The following AFG1L variants were observed in gnomAD, a reference collection of about 807,000 sequenced individuals.
The protein encoded by AFG1L is AFG1 like ATPase.
AFG1L carries 53 observed loss-of-function variants against 62.2 expected under a neutral mutation model. The observed-to-expected ratio is 0.85, with a 90% CI of 0.68 to 1.07. The LOEUF is 1.07. Among genes scored for constraint, AFG1L ranks in the 50% least tolerant of loss-of-function variants. AFG1L has a pLI of 0.00. For synonymous variants in AFG1L, 228 were observed against 210.3 expected, an observed-to-expected ratio of 1.08 and a Z score of -0.73; for missense variants, 555 against 590.5, an observed-to-expected ratio of 0.94 and a Z score of 0.62.
intron 11 of AFG1L, among the ~76,000 whole-genome samples, chr6:108,516,166 C>G (rs921368888): frequency 6.6e-6 from 1 of 152,214 alleles, no homozygotes; most frequent in African/African-American, 2.4e-5. Flanking sequence ...CCAGCATCAT[C>G]CTGATACCAA....
Position 108,376,867 on chromosome 6 carries a change from C to CT in AFG1L, c.748+10536dup, listed in dbSNP as rs576580635. On this transcript the variant is annotated intron_variant, in intron 6 of 12. Transcript: ENST00000368977. ...TCCCCTACTATTATTGTGTGGCTCTCTAAGTCTTTTTGTAAGTTTATAGGT... is the reference window on the plus strand; with the variant it reads ...TCCCCTACTATTATTGTGTGGCTCTCTTAAGTCTTTTTGTAAGTTTATAGGT... Among the ~76,000 whole-genome samples, 445 of 152,200 alleles carry CT rather than the reference C, an allele frequency of 2.9e-3. 1 individual carries two copies. The highest frequency in any genetic ancestry group is 4.4e-3 in the Non-Finnish European group (301 of 68,004).
At chr6:108,327,095 AAAAC>A (rs773678277) in intron 2 of AFG1L, among the ~76,000 whole-genome samples, 10 of 152,356 alleles carry the variant, frequency 6.6e-5, no homozygotes, top group East Asian at 1.9e-4. Context: ...ATACAAATAA[AAAAC>A]AAACAAACAA....
chr6:108,504,949 T>C (rs1774340630), intron 10 of AFG1L, among the ~76,000 whole-genome samples: 1 of 152,130 alleles, frequency 6.6e-6, no homozygotes, highest in Non-Finnish European at 1.5e-5. Flanking sequence ...AGGTCCTGAG[T>C]GGATTTCATC....
intron 1 of AFG1L, among the ~76,000 whole-genome samples, chr6:108,296,923 T>C (rs1776786926): frequency 6.6e-6 from 1 of 152,192 alleles, no homozygotes; most frequent in South Asian, 2.1e-4. Flanking sequence ...TGAAGTTATA[T>C]GGCTAGTAAG....
intron 8 of AFG1L, among the ~76,000 whole-genome samples, chr6:108,463,055 G>A (rs1341504766): frequency 6.6e-6 from 1 of 152,106 alleles, no homozygotes; most frequent in Non-Finnish European, 1.5e-5. Flanking sequence ...GTGGGAGGCT[G>A]AGACTGGGTG....
At chr6:108,463,089 A>G (rs1180943766) in intron 8 of AFG1L, among the ~76,000 whole-genome samples, 1 of 151,968 alleles carries the variant, frequency 6.6e-6, no homozygotes, top group East Asian at 1.9e-4. Context: ...CAGGAGTTCA[A>G]GATAGCTTGG....
intron 10 of AFG1L, among the ~76,000 whole-genome samples, chr6:108,508,867 G>A (rs1376672872): frequency 6.6e-6 from 1 of 152,190 alleles, no homozygotes; most frequent in Admixed American, 6.5e-5. Context: ...CTTCCCAAAT[G>A]AGATAGACAT....
chr6:108,498,281 C>G (rs1266664437), intron 10 of AFG1L, among the ~76,000 whole-genome samples: 1 of 152,134 alleles, frequency 6.6e-6, no homozygotes, highest in African/African-American at 2.4e-5. Context: ...AGTTGCAATC[C>G]AAAGGATATG....
chr6:108,295,298 C>T, intron 1 of AFG1L, 80 bp downstream of exon 1: 1 of 1,480,608 alleles, frequency 6.8e-7, no homozygotes, highest in Non-Finnish European at 9.0e-7. Context: ...CCTGTCCGAT[C>T]TACCCCAGGT....
intron 11 of AFG1L, among the ~76,000 whole-genome samples, chr6:108,515,185 C>T (rs1166913496): frequency 1.3e-5 from 2 of 152,182 alleles, no homozygotes; most frequent in Non-Finnish European, 2.9e-5. Flanking sequence ...CCCAGATCAA[C>T]AGAATATACA....
chr6:108,495,281 T>A (rs771143717), intron 10 of AFG1L, among the ~76,000 whole-genome samples: 6 of 152,242 alleles, frequency 3.9e-5, no homozygotes, highest in Non-Finnish European at 5.9e-5. Flanking sequence ...CACGCATGTT[T>A]GTTTAATGAA....
At chr6:108,522,253 T>C (rs1489683931) in intron 12 of AFG1L, 44 bp from the exon 13 acceptor site, 1 of 1,593,350 alleles carries the variant, frequency 6.3e-7, no homozygotes, top group Non-Finnish European at 8.6e-7. Context: ...CTGTAAATTT[T>C]CATTTGTGAT....
chr6:108,327,747 T>C (rs541167202), intron 2 of AFG1L, among the ~76,000 whole-genome samples: 311 of 152,332 alleles, frequency 2.0e-3, no homozygotes, highest in African/African-American at 7.2e-3. Context: ...TTTTCTCTCA[T>C]GTCTGCTTCC....
chr6:108,296,699 T>C (rs1582544638), intron 1 of AFG1L, among the ~76,000 whole-genome samples: 1 of 152,336 alleles, frequency 6.6e-6, no homozygotes, highest in South Asian at 2.1e-4. Flanking sequence ...TTCATATGAA[T>C]AGAACTGCCT....
chr6:108,309,767 A>C (rs1237316120), intron 1 of AFG1L, among the ~76,000 whole-genome samples: 2 of 152,090 alleles, frequency 1.3e-5, no homozygotes, highest in African/African-American at 4.8e-5. Context: ...AAATACTTTA[A>C]GACCTAATAG....
chr6:108,439,576 G>A (rs766036085), intron 7 of AFG1L, among the ~76,000 whole-genome samples: 1 of 152,166 alleles, frequency 6.6e-6, no homozygotes, highest in Non-Finnish European at 1.5e-5. Context: ...TATGGTGCTA[G>A]ACTTAGAATA....
chr6:108,401,493 G>A (rs895929049), intron 6 of AFG1L, among the ~76,000 whole-genome samples: 1 of 151,934 alleles, frequency 6.6e-6, no homozygotes, highest in Non-Finnish European at 1.5e-5. Context: ...GGGTTTCACC[G>A]TGTTGGCCAG....
At position 108,399,769 on chromosome 6, in the gene AFG1L, CTTTTTTTTTTTTT is replaced by C. The variant is rs757924406; in HGVS notation, c.749-2212_749-2200del. On this transcript the variant is annotated intron_variant, in intron 6 of 12. Coordinates refer to ENST00000368977, the MANE Select transcript of AFG1L (RefSeq NM_145315.5). ...TGGGGTGGGGTGTGGAAGTATCTCT[CTTTTTTTTTTTTT>C]TTTTTTTTTTTTTTGAGATAAGGTC... Among the ~76,000 whole-genome samples the C allele has an allele frequency of 1.0e-3, 44 of 42,688 alleles. 2 individuals carry two copies. The highest frequency in any genetic ancestry group is 4.0e-3 in the African/African-American group (42 of 10,466). The allele number at this position is 42,688 out of a possible 152,430, so 28.0% of individuals were successfully genotyped here. A position where few individuals can be genotyped will look rare whatever the true frequency, so the allele number is the denominator to read the frequency against.
rs139865900 is a variant in AFG1L, at chr6:108,419,506, A to G, written c.807+17452A>G. ...AATTCCAGCATTAACTCTTATAAAT[A>G]TGAATTTTCCTTTTCCTAATAAAGA... On this transcript the variant is annotated intron_variant, in intron 7 of 12. Coordinates refer to ENST00000368977, the MANE Select transcript of AFG1L (RefSeq NM_145315.5). Among the ~76,000 whole-genome samples the G allele has an allele frequency of 1.6e-3, 240 of 152,284 alleles. 2 individuals carry two copies. Among genetic ancestry groups the G allele is most frequent in the African/African-American group, 5.6e-3 (232 of 41,564 alleles).
Sources: allele counts gnomAD v4.1 joint callset (sites outside exome capture counted in the v4.1 genomes callset), GRCh38; gene constraint gnomAD v4.1.1; transcripts MANE v1.5; gene names NCBI Gene and HGNC (gene_info 2026-07-23, HGNC 2026-07-21).